VSIG10L2: variants seen among roughly 807,000 people sequenced by gnomAD.
The protein encoded by VSIG10L2 is V-set and immunoglobulin domain containing 10 like 2.
Under a neutral mutation model 67.1 loss-of-function variants are expected in VSIG10L2, and 56 were observed. The observed-to-expected ratio is 0.83, with a 90% confidence interval of 0.67 to 1.04. VSIG10L2 has a LOEUF of 1.04. VSIG10L2 is among the 50% of genes least tolerant of loss of function. The pLI is 0.00. For synonymous variants in VSIG10L2, 360 were observed against 396.6 expected, an observed-to-expected ratio of 0.91 and a Z score of 1.10; for missense variants, 843 against 932.8, an observed-to-expected ratio of 0.90 and a Z score of 1.25.
chr11:125,954,109 C>T lies in VSIG10L2; in HGVS notation c.1809C>T (p.Val603=), dbSNP rs549826823. 1.6e-6 allele frequency: 2 copies of T among 1,232,220 alleles called. No homozygotes were observed. Among genetic ancestry groups the T allele is most frequent in the African/African-American group, 3.1e-5 (2 of 64,540 alleles). The allele number at this position is 1,232,220 out of a possible 1,614,324, so 76.3% of individuals were successfully genotyped here. A position where few individuals can be genotyped will look rare whatever the true frequency, so the allele number is the denominator to read the frequency against. ...EVLRYPAPPN[V]TISRLTYGRH... ...CAGGATATCCAGCTCCTCCCAATGT[C>T]ACCATCAGCCGCCTGACCTACGGGA... Residue 603 remains valine (V), a synonymous_variant, in exon 8 of 12, where the codon GTC becomes GTT. Coordinates refer to ENST00000686984, the MANE Select transcript of VSIG10L2 (RefSeq NM_001365077.2).
At chr11:125,952,544 G>A (rs1945392005) in intron 6 of VSIG10L2, among the ~76,000 whole-genome samples, 1 of 152,158 alleles carries the variant, frequency 6.6e-6, no homozygotes, top group African/African-American at 2.4e-5. Flanking sequence ...GACGTGGCTG[G>A]TCACTACAAT....
At chr11:125,955,580 T>G (rs1277697279) in intron 10 of VSIG10L2, 35 bp from the exon 11 acceptor site, 1 of 1,506,868 alleles carries the variant, frequency 6.6e-7, no homozygotes, top group African/African-American at 1.4e-5. Flanking sequence ...GGGAAGTGAG[T>G]TGCCACTAAC....
Position 125,956,263 on chromosome 11 carries a change from A to C in VSIG10L2, c.*349A>C, listed in dbSNP as rs1475541366. On this transcript the variant is annotated 3_prime_UTR_variant, in exon 12 of 12. Transcript: ENST00000686984. The stretch of plus-strand genomic sequence containing the variant: ...TATGAGCAAGCTAGCTGCTTCCAGA[A>C]AAAAAGTCTGTGGATGGAGCAATTC... 1.1e-5 allele frequency: 6 copies of C among 533,372 alleles called. No homozygotes were observed. Among genetic ancestry groups the C allele is most frequent in the African/African-American group, 9.5e-5 (5 of 52,358 alleles). The allele number at this position is 533,372 out of a possible 1,614,324, so 33.0% of individuals were successfully genotyped here.
intron 3 of VSIG10L2, among the ~76,000 whole-genome samples, chr11:125,949,165 A>G (rs1945331868): frequency 6.6e-6 from 1 of 152,270 alleles, no homozygotes; most frequent in South Asian, 2.1e-4. Flanking sequence ...CGTAACTTCT[A>G]TATTGATTAT....
chr11:125,951,749 T>C, intron 5 of VSIG10L2, 64 bp from the exon 6 acceptor site: 1 of 1,409,064 alleles, frequency 7.1e-7, no homozygotes, highest in South Asian at 1.5e-5. Flanking sequence ...GGAAGGGGGA[T>C]AGGGTGGAAC....
chr11:125,949,610 A>G (rs1591529239), intron 3 of VSIG10L2, among the ~76,000 whole-genome samples: 1 of 152,038 alleles, frequency 6.6e-6, no homozygotes, highest in East Asian at 1.9e-4. Context: ...AAGGAAGTGA[A>G]AGGAGGTGGC....
Position 125,955,488 on chromosome 11 carries a change from G to T in VSIG10L2, c.2213G>T (p.Gly738Val), listed in dbSNP as rs950306856. The T allele has an allele frequency of 2.9e-5, 24 of 830,802 alleles. No homozygotes were observed. The highest frequency in any genetic ancestry group is 9.2e-5 in the Admixed American group (4 of 43,468). 51.5% of individuals were successfully genotyped at this position (830,802 alleles called of 1,614,324 possible). The change falls in exon 10 of 12, where the codon GGT (glycine) becomes GTT (valine). Residue 738 changes from glycine to valine, a missense_variant. Around this residue, in one of 2 missense-constraint regions of VSIG10L2, gnomAD observed 397 missense variants for 384.4 expected, o/e 1.03. Transcript: ENST00000686984. ...TTTCTTTTCCTTCCTACAGGCCTTG[G>T]TCAATTGCTTGTTCCCACGTGAGTG... is the stretch of plus-strand genomic sequence containing the variant. Reference protein sequence around the residue: ...ARHPETFPRLGQLLVPTEQRH... With the variant: ...ARHPETFPRLVQLLVPTEQRH...
intron 3 of VSIG10L2, 35 bp from the exon 4 acceptor site, chr11:125,949,979 C>G: frequency 8.1e-7 from 1 of 1,232,246 alleles, no homozygotes; most frequent in Non-Finnish European, 1.0e-6. Context: ...AGGAATGAAG[C>G]TGGGGAGGTG....
rs1162851364 is a variant in VSIG10L2, at chr11:125,956,134, G to A, written c.*220G>A. ...GGCCCACCTTGTGGAAGACAGAGGT[G>A]GCAGGACAAGGAAGAGGACCCACAA... On this transcript the variant is annotated 3_prime_UTR_variant, in exon 12 of 12. Coordinates refer to ENST00000686984, the MANE Select transcript of VSIG10L2 (RefSeq NM_001365077.2). 3.0e-6 allele frequency: 2 copies of A among 665,180 alleles called. No individual in the cohort carries two copies. Among genetic ancestry groups the A allele is most frequent in the Non-Finnish European group, 5.5e-6 (2 of 362,222 alleles). The allele number at this position is 665,180 out of a possible 1,614,324, so 41.2% of individuals were successfully genotyped here.
chr11:125,954,347 C>G lies in VSIG10L2; in HGVS notation c.2047C>G (p.His683Asp), dbSNP rs756116523. 11 of 1,231,976 alleles carry G rather than the reference C, an allele frequency of 8.9e-6. No homozygotes were observed. In the Admixed American group the frequency reaches 2.1e-4, roughly 24 times the overall value. 76.3% of individuals were successfully genotyped at this position (1,231,976 alleles called of 1,614,324 possible). ...YAFRILALNH[H>D]TAGHPSEVKI... ...CTTCCGCATCCTGGCTCTGAATCAC[C>G]ACACTGCAGGACATCCCTCTGAGGT... The change falls in exon 8 of 12, where the codon CAC (histidine) becomes GAC (aspartate). Residue 683 changes from histidine (H) to aspartate (D), a missense_variant. By Grantham distance (81) the His-to-Asp change is moderately conservative. Coordinates refer to ENST00000686984, the MANE Select transcript of VSIG10L2 (RefSeq NM_001365077.2).
rs1227132474 is a variant in VSIG10L2 at position 125,955,519 on chromosome 11, C to G, written c.2231+13C>G. 1 of 1,103,796 alleles carries G rather than the reference C, an allele frequency of 9.1e-7. No homozygotes were observed. The highest frequency in any genetic ancestry group is 2.1e-5 in the Admixed American group (1 of 47,966). 68.4% of individuals were successfully genotyped at this position (1,103,796 alleles called of 1,614,324 possible). A position where few individuals can be genotyped will look rare whatever the true frequency, so the allele number is the denominator to read the frequency against. ...TGCTTGTTCCCACGTGAGTGTGGAACCCCAGTCATCCTGGGGGCCAGGGCT... is the reference window on the plus strand; with the variant it reads ...TGCTTGTTCCCACGTGAGTGTGGAAGCCCAGTCATCCTGGGGGCCAGGGCT... On this transcript the variant is annotated intron_variant, in intron 10 of 11. Transcript: ENST00000686984.
chr11:125,955,234 T>A, intron 9 of VSIG10L2, 55 bp downstream of exon 9: 1 of 1,287,906 alleles, frequency 7.8e-7, no homozygotes, highest in Admixed American at 3.7e-5. Flanking sequence ...GGCCAGGCCC[T>A]GACCTATCCA....
At position 125,951,074 on chromosome 11, in the gene VSIG10L2, G is replaced by GCCCAGCTC. The variant is rs1555109463; in HGVS notation, c.1156_1163dup (p.Gly389SerfsTer48). 1 of 1,232,538 alleles carries GCCCAGCTC rather than the reference G, an allele frequency of 8.1e-7. No individual in the cohort carries two copies. The highest frequency in any genetic ancestry group is 1.0e-6 in the Non-Finnish European group (1 of 988,402). The allele number at this position is 1,232,538 out of a possible 1,614,324, so 76.4% of individuals were successfully genotyped here. ...CAACGTCACCTGGAGTCACGCAGCC[G>GCCCAGCTC]CCCAGCTCCCCAGTGGCAGCGTCTT... On this transcript the variant is annotated frameshift_variant, in exon 5 of 12. Transcript: ENST00000686984. LOFTEE classifies it high-confidence loss of function.
At chr11:125,951,450 G>A (rs142801007) in intron 5 of VSIG10L2, among the ~76,000 whole-genome samples, 53 of 152,266 alleles carry the variant, frequency 3.5e-4, no homozygotes, top group Middle Eastern at 3.4e-3. Context: ...CACTTCTACC[G>A]CTCTGACGCA....
chr11:125,951,124 C>T lies in VSIG10L2; in HGVS notation c.1200C>T (p.Ala400=). 1 of 1,232,984 alleles carries T rather than the reference C, an allele frequency of 8.1e-7. No individual in the cohort carries two copies. Among genetic ancestry groups the T allele is most frequent in the Non-Finnish European group, 1.0e-6 (1 of 988,618 alleles). The allele number at this position is 1,232,984 out of a possible 1,614,324, so 76.4% of individuals were successfully genotyped here. A position where few individuals can be genotyped will look rare whatever the true frequency, so the allele number is the denominator to read the frequency against. ...SVFTCTGQHP[A]LAPPALCTVM... is the part of the protein sequence containing the mutation. Reference sequence around the variant, plus strand: ...TCACCTGCACTGGCCAGCACCCAGCCCTGGCACCGCCTGCCCTCTGCACAG... The same window carrying T: ...TCACCTGCACTGGCCAGCACCCAGCTCTGGCACCGCCTGCCCTCTGCACAG... The change falls in exon 5 of 12, where the codon GCC becomes GCT. Residue 400 remains alanine (A), a synonymous_variant. Transcript: ENST00000686984.
chr11:125,951,662 T>C (rs1203144547), intron 5 of VSIG10L2, 151 bp from the exon 6 acceptor site: 2 of 765,512 alleles, frequency 2.6e-6, no homozygotes, highest in East Asian at 5.6e-5. Flanking sequence ...CCCTGGCACA[T>C]GATCAATAAA....
chr11:125,946,192 T>C lies in VSIG10L2; in HGVS notation c.82+55T>C. On this transcript the variant is annotated intron_variant, in intron 1 of 11. Coordinates refer to ENST00000686984, the MANE Select transcript of VSIG10L2 (RefSeq NM_001365077.2). The surrounding 1 kb of genome is among the most constrained non-coding windows in gnomAD (Gnocchi z 4.4). ...TCATTTCCCACTCCCATCCCATTAT[T>C]CCTGCCACTTCCTGGGGGATCCTCC... is the stretch of plus-strand genomic sequence containing the variant. 2.5e-6 allele frequency: 1 copy of C among 398,824 alleles called. No individual in the cohort carries two copies. The allele number at this position is 398,824 out of a possible 1,614,324, so 24.7% of individuals were successfully genotyped here. A position where few individuals can be genotyped will look rare whatever the true frequency, so the allele number is the denominator to read the frequency against.
Position 125,947,910 on chromosome 11 carries a change from AG to A in VSIG10L2, c.309del (p.Asn104ThrfsTer51). The A allele has an allele frequency of 8.1e-7, 1 of 1,232,288 alleles. No individual in the cohort carries two copies. Among genetic ancestry groups the A allele is most frequent in the Non-Finnish European group, 1.0e-6 (1 of 988,076 alleles). 76.3% of individuals were successfully genotyped at this position (1,232,288 alleles called of 1,614,324 possible). A position where few individuals can be genotyped will look rare whatever the true frequency, so the allele number is the denominator to read the frequency against. On this transcript the variant is annotated frameshift_variant, in exon 2 of 12. Transcript: ENST00000686984. LOFTEE classifies it high-confidence loss of function. ...IASALGVVSL[R>X]NSSLVLGELH... ...CTCGGCTCTGGGAGTCGTGAGTCTG[AG>A]GAACAGCAGCCTGGTGCTGGGGGAG...
In VSIG10L2 at chr11:125,947,879, C is replaced by T; in HGVS notation, c.276C>T (p.Ala92=). ...ATGGAGCCATGTCCAAGGTGGAGGC[C>T]ATCGCCTCGGCTCTGGGAGTCGTGA... ...VTDGAMSKVE[A]IASALGVVSL... is the part of the protein sequence containing the mutation. Residue 92 remains alanine, a synonymous_variant, in exon 2 of 12, where the codon GCC becomes GCT. Transcript: ENST00000686984. 8.1e-7 allele frequency: 1 copy of T among 1,232,328 alleles called. No individual in the cohort carries two copies. Among genetic ancestry groups the T allele is most frequent in the Non-Finnish European group, 1.0e-6 (1 of 988,094 alleles). The allele number at this position is 1,232,328 out of a possible 1,614,324, so 76.3% of individuals were successfully genotyped here. A position where few individuals can be genotyped will look rare whatever the true frequency, so the allele number is the denominator to read the frequency against.
Sources: gnomAD v4.1 joint callset for allele counts (sites outside exome capture counted in the v4.1 genomes callset) on GRCh38, gnomAD v4.1.1 for gene constraint, gnomAD v4.1.1 regional missense constraint, Gnocchi (gnomAD v3.1) non-coding constraint, MANE v1.5 for transcripts, NCBI Gene and HGNC (gene_info 2026-07-23, HGNC 2026-07-21) for gene names.